The following SLIT2 variants were observed in gnomAD, a reference collection of about 807,000 sequenced individuals.
SLIT2 encodes the protein slit homolog 2 protein.
SLIT2 carries 41 observed loss-of-function variants against 185.7 expected under a neutral mutation model. That is an observed-to-expected ratio of 0.22 (90% CI 0.17 to 0.29). SLIT2 has a LOEUF of 0.29. Ranked by LOEUF, SLIT2 falls within the 10% of genes least tolerant of loss-of-function variation. The probability of loss-of-function intolerance (pLI) is 1.00; values close to 1 mark genes in which losing one functional copy is unlikely to be tolerated. For missense variants in SLIT2, 1,571 were observed against 1,909.0 expected (o/e 0.82, Z 3.30); for synonymous variants, 693 against 680.2 (o/e 1.02, Z -0.29).
At chr4:20,265,590 A>C (rs181312939) in intron 3 of SLIT2, among the ~76,000 whole-genome samples, 2 of 152,092 alleles carry the variant, frequency 1.3e-5, no homozygotes, top group East Asian at 3.9e-4. Context: ...GATCACTCAT[A>C]ATAACTTTCA....
intron 4 of SLIT2, among the ~76,000 whole-genome samples, chr4:20,387,989 T>G (rs1008625458): frequency 4.0e-5 from 6 of 149,522 alleles, no homozygotes; most frequent in Non-Finnish European, 7.4e-5. Flanking sequence ...AAAAAACACG[T>G]TTCATCTCTA....
At chr4:20,519,606 G>A (rs143156071) in intron 12 of SLIT2, among the ~76,000 whole-genome samples, 153 bp downstream of exon 12, 24 of 152,110 alleles carry the variant, frequency 1.6e-4, no homozygotes, top group Admixed American at 3.9e-4. Context: ...GCTAGTATTC[G>A]TGATTATTTA....
At chr4:20,418,448 C>T (rs183112525) in intron 4 of SLIT2, among the ~76,000 whole-genome samples, 35 of 152,242 alleles carry the variant, frequency 2.3e-4, no homozygotes, top group Non-Finnish European at 5.9e-5. Context: ...AGTAATGAAA[C>T]GTTTTTGTAT....
intron 4 of SLIT2, among the ~76,000 whole-genome samples, chr4:20,435,433 G>A (rs1404633769): frequency 2.0e-5 from 3 of 152,184 alleles, no homozygotes; most frequent in South Asian, 4.1e-4. Flanking sequence ...ATGGCTAAGA[G>A]AATACATGCT....
chr4:20,476,595 G>A (rs1716136461), intron 5 of SLIT2, among the ~76,000 whole-genome samples: 1 of 152,038 alleles, frequency 6.6e-6, no homozygotes. Flanking sequence ...CACATTTTAT[G>A]TGTCTTCTAA....
intron 4 of SLIT2, among the ~76,000 whole-genome samples, chr4:20,439,527 G>A (rs1278839440): frequency 3.9e-5 from 6 of 152,114 alleles, no homozygotes; most frequent in African/African-American, 9.7e-5. Flanking sequence ...CTCTGTGTCC[G>A]AATTATCCCA....
At chr4:20,330,683 G>A (rs1719987417) in intron 4 of SLIT2, among the ~76,000 whole-genome samples, 1 of 134,784 alleles carries the variant, frequency 7.4e-6, no homozygotes, top group African/African-American at 2.8e-5. Context: ...TGGTTTTGTG[G>A]ATTCTTTGAT....
chr4:20,481,740 T>C (rs1000760718), intron 6 of SLIT2, among the ~76,000 whole-genome samples: 8 of 152,060 alleles, frequency 5.3e-5, no homozygotes, highest in African/African-American at 1.9e-4. Context: ...GGAATATCAT[T>C]CTGAAAAATT....
At chr4:20,294,935 T>C (rs1716320148) in intron 4 of SLIT2, among the ~76,000 whole-genome samples, 1 of 152,164 alleles carries the variant, frequency 6.6e-6, no homozygotes, top group African/African-American at 2.4e-5. Flanking sequence ...ACTTGCACTA[T>C]TTAGAAGAAA....
In SLIT2 at chr4:20,402,269, G is replaced by A. The variant is rs535799414; in HGVS notation, c.396-65483G>A. Among the ~76,000 whole-genome samples, 9 of 151,990 alleles carry A rather than the reference G, an allele frequency of 5.9e-5. No homozygotes were observed. The South Asian group carries it at 6.2e-4, about 10-fold the overall frequency. ...ACTCTTCCCCCAACACTATTTTTCA[G>A]TTGTTTTCAGTGCACCTAAGAAAAT... On this transcript the variant is annotated intron_variant, in intron 4 of 36. Transcript: ENST00000504154.
intron 4 of SLIT2, among the ~76,000 whole-genome samples, chr4:20,307,650 A>G (rs1276385214): frequency 1.3e-5 from 2 of 152,220 alleles, no homozygotes; most frequent in Admixed American, 6.5e-5. Context: ...CTGCATTAAG[A>G]CATTCAAGAC....
intron 4 of SLIT2, among the ~76,000 whole-genome samples, chr4:20,410,125 G>A (rs1727101519): frequency 1.3e-5 from 2 of 151,408 alleles, no homozygotes; most frequent in South Asian, 2.1e-4. Context: ...TGGCATCTTC[G>A]TCATGAAATC....
At chr4:20,500,568 C>T (rs1017426285) in intron 9 of SLIT2, among the ~76,000 whole-genome samples, 13 of 152,016 alleles carry the variant, frequency 8.6e-5, no homozygotes, top group Non-Finnish European at 1.5e-4. Flanking sequence ...ACATAGTACT[C>T]TTAAAAAGTG....
intron 11 of SLIT2, among the ~76,000 whole-genome samples, chr4:20,518,898 G>A (rs1009734830): frequency 3.3e-5 from 5 of 151,778 alleles, no homozygotes; most frequent in African/African-American, 1.2e-4. Context: ...GAGCCACCGC[G>A]CCCGGCCATG....
intron 8 of SLIT2, among the ~76,000 whole-genome samples, chr4:20,490,237 C>G (rs1022231101): frequency 2.6e-5 from 4 of 152,154 alleles, no homozygotes; most frequent in Admixed American, 2.0e-4. Context: ...ACTTCACCTC[C>G]CTTATAACAA....
Position 20,618,943 on chromosome 4 carries a change from C to G in SLIT2, c.4524C>G (p.Asp1508Glu), listed in dbSNP as rs1213410895. Residue 1508 changes from aspartate to glutamate, a missense_variant, in exon 37 of 37, where the codon GAC (aspartate) becomes GAG (glutamate). Physicochemically the swap from Asp to Glu is conservative, Grantham distance 45. Coordinates refer to ENST00000504154, the MANE Select transcript of SLIT2 (RefSeq NM_004787.4). ...KRRKYSFECT[D>E]GSSFVDEVEK... The stretch of plus-strand genomic sequence containing the variant: ...GGAAATACTCTTTCGAATGCACTGA[C>G]GGCTCCTCCTTTGTGGACGAGGTTG... The G allele has an allele frequency of 1.9e-6, 3 of 1,613,958 alleles. No individual in the cohort carries two copies. Among genetic ancestry groups the G allele is most frequent in the Non-Finnish European group, 2.5e-6 (3 of 1,180,018 alleles).
intron 1 of SLIT2, among the ~76,000 whole-genome samples, chr4:20,256,395 G>A (rs528449569): frequency 6.6e-6 from 1 of 151,862 alleles, no homozygotes; most frequent in Non-Finnish European, 1.5e-5. Context: ...AAACAAAAAT[G>A]GAAAGGACTC....
rs937934699 is a variant in SLIT2, at chr4:20,253,599, G to A, written c.-217G>A. On this transcript the variant is annotated 5_prime_UTR_variant, in exon 1 of 37. Transcript: ENST00000504154. Reference sequence around the variant, plus strand: ...CTCAGGACCTAAAGTTGCCCAAGGAGCTCCTGCTCTGCCAGAGGAGGGTGG... The same window carrying A: ...CTCAGGACCTAAAGTTGCCCAAGGAACTCCTGCTCTGCCAGAGGAGGGTGG... The A allele has an allele frequency of 8.3e-6, 5 of 599,786 alleles. No homozygotes were observed. Among genetic ancestry groups the A allele is most frequent in the Non-Finnish European group, 1.5e-5 (5 of 339,772 alleles). The allele number at this position is 599,786 out of a possible 1,614,324, so 37.2% of individuals were successfully genotyped here. A position where few individuals can be genotyped will look rare whatever the true frequency, so the allele number is the denominator to read the frequency against.
chr4:20,588,930 T>C (rs896169877), intron 29 of SLIT2, among the ~76,000 whole-genome samples: 1 of 152,210 alleles, frequency 6.6e-6, no homozygotes, highest in African/African-American at 2.4e-5. Flanking sequence ...TTTCTTTATA[T>C]GTCAGAGGAT....
Sources: gnomAD v4.1 joint callset for allele counts (sites outside exome capture counted in the v4.1 genomes callset) on GRCh38, gnomAD v4.1.1 for gene constraint, MANE v1.5 for transcripts, NCBI Gene and HGNC (gene_info 2026-07-23, HGNC 2026-07-21) for gene names.